Variants in TG observed in about 807,000 individuals in gnomAD.
The protein encoded by TG is thyroglobulin.
TG carries 270 observed loss-of-function variants against 324.7 expected under a neutral mutation model. The ratio of observed to expected loss-of-function variants is 0.83; its 90% CI spans 0.75 to 0.92. The LOEUF is 0.92. Ranked by LOEUF, TG falls within the 40% of genes least tolerant of loss-of-function variation. TG has a pLI of 0.00. For missense variants in TG, 3,591 were observed against 3,456.4 expected (o/e 1.04, Z -0.98); for synonymous variants, 1,401 against 1,327.0 (o/e 1.06, Z -1.21).
At chr8:133,131,656 T>C (rs1588153771) in intron 45 of TG, among the ~76,000 whole-genome samples, 156 bp from the exon 46 acceptor site, 1 of 152,164 alleles carries the variant, frequency 6.6e-6, no homozygotes, top group African/African-American at 2.4e-5. Flanking sequence ...CCAAGCCAAA[T>C]CTCCATTCAA....
At chr8:133,127,336 G>T (rs1299533307) in intron 45 of TG, among the ~76,000 whole-genome samples, 1 of 152,188 alleles carries the variant, frequency 6.6e-6, no homozygotes, top group Non-Finnish European at 1.5e-5. Context: ...CTGAAATGAG[G>T]CTTTTGGCTC....
At chr8:132,893,363 C>G (rs60207939) in intron 10 of TG, among the ~76,000 whole-genome samples, 2 of 144,586 alleles carry the variant, frequency 1.4e-5, no homozygotes, top group African/African-American at 2.6e-5. Flanking sequence ...TGTGGTGTGT[C>G]TGTGGTGTAT....
intron 35 of TG, among the ~76,000 whole-genome samples, chr8:132,991,329 G>C (rs76619402): frequency 0.013 from 2,006 of 152,222 alleles, 37 homozygotes; most frequent in African/African-American, 0.045. Context: ...TAAACGCTGT[G>C]CACCAACCCA....
In TG at chr8:132,908,189, C is replaced by T; in HGVS notation, c.3851C>T (p.Pro1284Leu). The change falls in exon 18 of 48, where the codon CCC (proline) becomes CTC (leucine). Residue 1284 changes from proline to leucine, a missense_variant. Pro to Leu is a moderately conservative substitution (Grantham distance 98, BLOSUM62 -3). Coordinates refer to ENST00000220616, the MANE Select transcript of TG (RefSeq NM_003235.5). ...QLPQPRACQR[P>L]QLWQTIQTQG... ...GATCTCTGGTGCTTGCCTGCAGGGCCCCAGCTGTGGCAGACCATCCAGACC... is the reference window on the plus strand; with the variant it reads ...GATCTCTGGTGCTTGCCTGCAGGGCTCCAGCTGTGGCAGACCATCCAGACC... The T allele has an allele frequency of 3.1e-6, 5 of 1,613,926 alleles. No individual in the cohort carries two copies. The highest frequency in any genetic ancestry group is 4.2e-6 in the Non-Finnish European group (5 of 1,179,998).
intron 11 of TG, among the ~76,000 whole-genome samples, chr8:132,894,714 G>A (rs2132236208): frequency 6.6e-6 from 1 of 152,296 alleles, no homozygotes; most frequent in African/African-American, 2.4e-5. Context: ...GTCTGCCTCG[G>A]CCTCCCAAAG....
At chr8:132,984,300 G>A (rs1320729645) in intron 35 of TG, among the ~76,000 whole-genome samples, 1 of 152,228 alleles carries the variant, frequency 6.6e-6, no homozygotes, top group Non-Finnish European at 1.5e-5. Context: ...GTGGCTAAAA[G>A]TATAAAAATG....
At chr8:132,953,269 A>T (rs1826374805) in intron 27 of TG, among the ~76,000 whole-genome samples, 1 of 152,138 alleles carries the variant, frequency 6.6e-6, no homozygotes, top group African/African-American at 2.4e-5. Context: ...CCCAGGCTGG[A>T]GCAGCCCCTG....
chr8:132,971,470 T>C (rs1489021743), intron 32 of TG, among the ~76,000 whole-genome samples: 1 of 152,182 alleles, frequency 6.6e-6, no homozygotes, highest in African/African-American at 2.4e-5. Flanking sequence ...CCTGAAAGGA[T>C]TGAAAGAGTA....
intron 34 of TG, among the ~76,000 whole-genome samples, chr8:132,981,666 C>G (rs1471270597): frequency 6.6e-6 from 1 of 152,228 alleles, no homozygotes; most frequent in African/African-American, 2.4e-5. Flanking sequence ...CGCTGGGGAA[C>G]TTGCTTGAAA....
At position 132,898,267 on chromosome 8, in the gene TG, TCTC is replaced by T. The variant is rs537658168; in HGVS notation, c.3217+27_3217+29del. ...ACAGTGTAAGTGAAGACTGCAGAGT[TCTC>T]CTCCTGACCCCCCTTGGTGGGCATC... On this transcript the variant is annotated intron_variant, in intron 13 of 47. Transcript: ENST00000220616. The T allele has an allele frequency of 1.2e-4, 196 of 1,572,594 alleles. 1 individual carries two copies. In the East Asian group the frequency reaches 3.9e-3, roughly 31 times the overall value.
At chr8:132,893,313 T>C (rs1816575782) in intron 10 of TG, among the ~76,000 whole-genome samples, 2 of 143,356 alleles carry the variant, frequency 1.4e-5, no homozygotes, top group African/African-American at 2.6e-5. Context: ...GTGTATGTGA[T>C]CTGTATGTGC....
rs886222874 is a variant in TG, at chr8:133,012,144, G to A, written c.6397+109G>A. The stretch of plus-strand genomic sequence containing the variant: ...ATGAGACACTACGATAACCTAGGAT[G>A]CTTGGAAGTAAGGGATTAACCTGGG... On this transcript the variant is annotated intron_variant, in intron 36 of 47. Transcript: ENST00000220616. The A allele has an allele frequency of 9.9e-6, 15 of 1,508,286 alleles. No homozygotes were observed. In the African/African-American group the frequency reaches 1.9e-4, roughly 19 times the overall value. 93.4% of individuals were successfully genotyped at this position (1,508,286 alleles called of 1,614,324 possible). A position where few individuals can be genotyped will look rare whatever the true frequency, so the allele number is the denominator to read the frequency against.
At chr8:133,079,655 A>C (rs564992405) in intron 41 of TG, among the ~76,000 whole-genome samples, 57 of 152,186 alleles carry the variant, frequency 3.7e-4, no homozygotes, top group Non-Finnish European at 7.6e-4. Context: ...GTATGAGCAG[A>C]TTTCCATTCC....
chr8:133,113,386 C>A, intron 43 of TG, 36 bp from the exon 44 acceptor site: 1 of 1,612,084 alleles, frequency 6.2e-7, no homozygotes, highest in Non-Finnish European at 8.5e-7. Context: ...CTTTCAGAAT[C>A]CAACTGAGGA....
At chr8:133,020,127 T>C (rs902835365) in intron 39 of TG, among the ~76,000 whole-genome samples, 4 of 152,226 alleles carry the variant, frequency 2.6e-5, no homozygotes, top group South Asian at 2.1e-4. Context: ...TAAGAGAGGC[T>C]AAGTGAGTTA....
chr8:133,072,975 G>A (rs1331258712), intron 41 of TG: 1 of 152,200 alleles, frequency 6.6e-6, no homozygotes, highest in Admixed American at 6.5e-5. Context: ...CCTAGGAAAT[G>A]TAAAAGGGAT....
intron 35 of TG, among the ~76,000 whole-genome samples, chr8:132,984,712 G>T (rs951434566): frequency 1.3e-5 from 2 of 152,154 alleles, no homozygotes; most frequent in African/African-American, 4.8e-5. Context: ...GGGAGGCTGA[G>T]GTGGGTGGAT....
At chr8:133,079,444 G>A (rs940219682) in intron 41 of TG, among the ~76,000 whole-genome samples, 5 of 152,092 alleles carry the variant, frequency 3.3e-5, no homozygotes, top group African/African-American at 9.7e-5. Flanking sequence ...CATACTTCAC[G>A]TTGTCAGGAG....
chr8:132,923,363 A>G lies in TG; in HGVS notation c.4554A>G (p.Glu1518=), dbSNP rs766047693. 1.1e-5 allele frequency: 17 copies of G among 1,614,008 alleles called. No homozygotes were observed. In the Admixed American group the frequency reaches 2.8e-4, roughly 27 times the overall value. ...GTGTCACTGACTGTCAGAGGAACGA[A>G]GCAGGCCTGCAATGTGACCAGAATG... is the stretch of plus-strand genomic sequence containing the variant. ...THCVTDCQRN[E]AGLQCDQNGQ... Residue 1518 remains glutamate, a synonymous_variant, in exon 22 of 48, where the codon GAA becomes GAG. Transcript: ENST00000220616.
Sources: allele counts gnomAD v4.1 joint callset (sites outside exome capture counted in the v4.1 genomes callset), GRCh38; gene constraint gnomAD v4.1.1; transcripts MANE v1.5; gene names NCBI Gene and HGNC (gene_info 2026-07-23, HGNC 2026-07-21).